The following PLCH2 variants were observed in gnomAD, a reference collection of about 807,000 sequenced individuals.
The protein encoded by PLCH2 is phospholipase C eta 2.
In PLCH2, 98 loss-of-function variants were observed where a neutral mutation model predicts 134.7. That is an observed-to-expected ratio of 0.73 (90% CI 0.62 to 0.86). The LOEUF (loss-of-function observed/expected upper bound fraction) is 0.86, where lower values mean the gene tolerates loss of function less well. PLCH2 is among the 40% of genes least tolerant of loss of function. The probability of loss-of-function intolerance (pLI) is 0.00; values close to 1 mark genes in which losing one functional copy is unlikely to be tolerated. For missense variants in PLCH2, 1,994 were observed against 1,986.6 expected (o/e 1.00, Z -0.07); for synonymous variants, 974 against 827.5 (o/e 1.18, Z -3.04).
chr1:2,495,051 G>A (rs111965041), intron 12 of PLCH2, 103 bp downstream of exon 12: 3 of 790,026 alleles, frequency 3.8e-6, no homozygotes, highest in Middle Eastern at 3.6e-4. Context: ...TGTCCTCCCT[G>A]CTCCCAGTGC....
chr1:2,502,968 G>T (rs1643321518), intron 21 of PLCH2: 1 of 716,900 alleles, frequency 1.4e-6, no homozygotes, highest in African/African-American at 1.7e-5. Context: ...GCTGGGCCTG[G>T]GTCACCTGCT....
Position 2,487,683 on chromosome 1 carries a change from T to A in PLCH2, c.1200T>A (p.Ile400=). The A allele has an allele frequency of 1.2e-6, 2 of 1,613,520 alleles. No homozygotes were observed. The highest frequency in any genetic ancestry group is 3.3e-5 in the Admixed American group (2 of 60,014). ...CCAAGATCCTCTTCAAAGACGTCAT[T>A]GAAACCATCAACAAATATGCCTTCA... ...LTSKILFKDV[I]ETINKYAFIK... The change falls in exon 8 of 22, where the codon ATT becomes ATA. Residue 400 remains isoleucine (I), a synonymous_variant. Coordinates refer to ENST00000378486, the MANE Select transcript of PLCH2 (RefSeq NM_014638.4).
At chr1:2,433,460 A>G (rs892374622) in intron 2 of PLCH2, among the ~76,000 whole-genome samples, 1 of 150,914 alleles carries the variant, frequency 6.6e-6, no homozygotes, top group Non-Finnish European at 1.5e-5. Context: ...CTTGGGGTTC[A>G]GGGCTGCTGG....
intron 5 of PLCH2, among the ~76,000 whole-genome samples, chr1:2,485,819 AG>A (rs1220023904): frequency 6.6e-6 from 1 of 152,092 alleles, no homozygotes; most frequent in African/African-American, 2.4e-5. Flanking sequence ...GGTTTTACCC[AG>A]GATCTCCCAG....
upstream of PLCH2, among the ~76,000 whole-genome samples, chr1:2,423,290 C>T (rs2100462672): frequency 6.6e-6 from 1 of 152,296 alleles, no homozygotes. Flanking sequence ...TGGGCTGAAG[C>T]AATCCTCCTG....
chr1:2,502,755 A>G, intron 21 of PLCH2: 1 of 715,746 alleles, frequency 1.4e-6, no homozygotes. Context: ...ATGTCCTCGG[A>G]CTCCAGCAGC....
At chr1:2,500,258 A>G in intron 20 of PLCH2, 1 of 165,792 alleles carries the variant, frequency 6.0e-6, no homozygotes, top group African/African-American at 2.4e-5. Context: ...CCTGGCTTTG[A>G]GCTGGGGCCC....
intron 20 of PLCH2, chr1:2,500,356 T>A (rs1643149776): frequency 6.5e-6 from 1 of 154,236 alleles, no homozygotes; most frequent in African/African-American, 2.4e-5. Flanking sequence ...CAGTGCTGAC[T>A]CTCTCCTGCC....
In PLCH2 at chr1:2,439,707, C is replaced by A. The variant is rs942233327; in HGVS notation, c.115+9078C>A. ...TCTCTGGCCCTGAGCCATCTGTTCACCTGGGGCTGACACTGCCACCCTCGG... is the reference window on the plus strand; with the variant it reads ...TCTCTGGCCCTGAGCCATCTGTTCAACTGGGGCTGACACTGCCACCCTCGG... On this transcript the variant is annotated intron_variant, in intron 2 of 3. Coordinates refer to the PLCH2 transcript ENST00000609981. This position sits in a 1 kb window ranked among gnomAD's most constrained non-coding sequence, Gnocchi z 4.7. Among the ~76,000 whole-genome samples the A allele has an allele frequency of 6.6e-6, 1 of 152,168 alleles. No individual in the cohort carries two copies. The highest frequency in any genetic ancestry group is 2.4e-5 in the African/African-American group (1 of 41,450).
rs760039989 is a variant in PLCH2, at chr1:2,478,609, C to A, written c.258C>A (p.Asn86Lys). The A allele has an allele frequency of 1.9e-6, 3 of 1,610,110 alleles. No homozygotes were observed. The East Asian group carries it at 6.7e-5, about 36-fold the overall frequency. ...TCCGCTGGAGGCCCTCACGCAAGAA[C>A]GAGAAGGCCAAGAGTGAGTGGGAGC... The part of the protein sequence containing the change: ...SCIRWRPSRK[N>K]EKAKISIDSI... Residue 86 changes from asparagine (N) to lysine (K), a missense_variant, in exon 2 of 22, where the codon AAC (asparagine) becomes AAA (lysine). Coordinates refer to ENST00000378486, the MANE Select transcript of PLCH2 (RefSeq NM_014638.4).
At chr1:2,488,081 A>G (rs1642377910) in intron 8 of PLCH2, among the ~76,000 whole-genome samples, 1 of 152,192 alleles carries the variant, frequency 6.6e-6, no homozygotes. Flanking sequence ...AAAATACAGA[A>G]ATTAGTTTCT....
At chr1:2,459,918 C>T (rs1640729108) in intron 2 of PLCH2, among the ~76,000 whole-genome samples, 1 of 152,246 alleles carries the variant, frequency 6.6e-6, no homozygotes, top group African/African-American at 2.4e-5. Context: ...CGTGAGGGGC[C>T]GGTCCATGCG....
rs1312080000 is a variant in PLCH2, at chr1:2,505,224, T to A, written c.*11T>A. ...CTGCTCCGCCTCTGACCGTCAGTGG[T>A]GGGAACCTGGGCGGCTCTGGAGGCC... On this transcript the variant is annotated 3_prime_UTR_variant, in exon 22 of 22. Coordinates refer to ENST00000378486, the MANE Select transcript of PLCH2 (RefSeq NM_014638.4). The A allele has an allele frequency of 6.4e-7, 1 of 1,559,146 alleles. No homozygotes were observed. The highest frequency in any genetic ancestry group is 8.6e-7 in the Non-Finnish European group (1 of 1,161,470).
At chr1:2,500,819 TCCCTCCCCTCCCTCAGTC>T in intron 20 of PLCH2, 2 of 25,222 alleles carry the variant, frequency 7.9e-5, no homozygotes, top group Admixed American at 6.9e-4. Context: ...CCCTCAGTCC[TCCCTCCCCTCCCTCAGTC>T]CTCCCTCCCC....
At chr1:2,494,986 C>T (rs1309211282) in intron 12 of PLCH2, 38 bp downstream of exon 12, 1 of 1,393,706 alleles carries the variant, frequency 7.2e-7, no homozygotes, top group Non-Finnish European at 9.9e-7. Context: ...CCGGTCTGGG[C>T]CCAGTGTCCT....
chr1:2,431,217 C>T (rs1400746076), intron 2 of PLCH2, among the ~76,000 whole-genome samples: 10 of 151,772 alleles, frequency 6.6e-5, no homozygotes, highest in African/African-American at 1.7e-4. Flanking sequence ...GCTCTCTGGG[C>T]GGCCGCTCCC....
At chr1:2,484,955 C>T (rs1642212903) in intron 5 of PLCH2, among the ~76,000 whole-genome samples, 1 of 152,144 alleles carries the variant, frequency 6.6e-6, no homozygotes, top group South Asian at 2.1e-4. Flanking sequence ...CCTGCGCCTC[C>T]CACAGCTTGA....
chr1:2,438,869 C>T (rs975277459), intron 2 of PLCH2, among the ~76,000 whole-genome samples: 1 of 152,182 alleles, frequency 6.6e-6, no homozygotes, highest in Non-Finnish European at 1.5e-5. Flanking sequence ...GGGGGCGCAG[C>T]GTGTGCAGGG....
At chr1:2,434,825 T>A (rs1462219168) in intron 2 of PLCH2, among the ~76,000 whole-genome samples, 2 of 152,080 alleles carry the variant, frequency 1.3e-5, no homozygotes, top group Admixed American at 1.3e-4. Flanking sequence ...AAATCGAGGC[T>A]CCCCGTGGAA....
Sources: gnomAD v4.1 joint callset for allele counts (sites outside exome capture counted in the v4.1 genomes callset) on GRCh38, gnomAD v4.1.1 for gene constraint, Gnocchi (gnomAD v3.1) non-coding constraint, MANE v1.5 for transcripts, NCBI Gene and HGNC (gene_info 2026-07-23, HGNC 2026-07-21) for gene names.